The following NCAM2 variants were observed in gnomAD, a reference collection of about 807,000 sequenced individuals.
NCAM2 encodes the protein N-CAM-2.
Under a neutral mutation model 98.1 loss-of-function variants are expected in NCAM2, and 30 were observed. The ratio of observed to expected loss-of-function variants is 0.31; its 90% CI spans 0.23 to 0.41. The LOEUF is 0.41. Among genes scored for constraint, NCAM2 ranks in the 10% least tolerant of loss-of-function variants. The pLI, the probability that NCAM2 is intolerant of heterozygous loss-of-function variation, is 1.00. For missense variants in NCAM2, 867 were observed against 1,005.8 expected (o/e 0.86, Z 1.87); for synonymous variants, 368 against 342.4 (o/e 1.07, Z -0.83).
intron 9 of NCAM2, among the ~76,000 whole-genome samples, chr21:21,374,414 T>A (rs78595295): frequency 0.021 from 3,233 of 152,056 alleles, 101 homozygotes; most frequent in African/African-American, 0.074. Flanking sequence ...TTTGTTAGGC[T>A]ATTTTACATT....
chr21:21,432,191 C>T lies in NCAM2; in HGVS notation c.1564C>T (p.His522Tyr), dbSNP rs1396341533. ...GGTTTCCTTCAACAAACCGGACTCC[C>T]ATGGAGGTGTACCTATTCATCACTA... ...AKVSFNKPDS[H>Y]GGVPIHHYQV... The change falls in exon 12 of 18, where the codon CAT becomes TAT. Residue 522 changes from histidine to tyrosine, a missense_variant. Transcript: ENST00000400546. The T allele has an allele frequency of 6.2e-7, 1 of 1,614,062 alleles. No homozygotes were observed. The highest frequency in any genetic ancestry group is 8.5e-7 in the Non-Finnish European group (1 of 1,179,956).
intron 1 of NCAM2, among the ~76,000 whole-genome samples, chr21:21,139,606 G>A (rs1459422701): frequency 6.6e-6 from 1 of 152,150 alleles, no homozygotes; most frequent in African/African-American, 2.4e-5. Context: ...CTGTTCACAT[G>A]TGATGTAGGA....
At chr21:21,414,329 A>T (rs1328677751) in intron 10 of NCAM2, among the ~76,000 whole-genome samples, 1 of 152,160 alleles carries the variant, frequency 6.6e-6, no homozygotes, top group Non-Finnish European at 1.5e-5. Context: ...ACTTTCTCCC[A>T]TGAGCCACAA....
chr21:21,536,831 T>C (rs1170380741), intron 17 of NCAM2, among the ~76,000 whole-genome samples: 1 of 152,188 alleles, frequency 6.6e-6, no homozygotes, highest in East Asian at 1.9e-4. Flanking sequence ...GCACAATTCA[T>C]TGGCATCGAA....
chr21:21,095,815 G>A (rs6518074), intron 1 of NCAM2, among the ~76,000 whole-genome samples: 58,435 of 151,324 alleles, frequency 0.39, 13,962 homozygotes, highest in African/African-American at 0.68. Flanking sequence ...TTCATGAAGT[G>A]TCTTTCAGTG....
intron 1 of NCAM2, among the ~76,000 whole-genome samples, chr21:21,165,704 T>C (rs1413031446): frequency 6.6e-6 from 1 of 152,226 alleles, no homozygotes; most frequent in Non-Finnish European, 1.5e-5. Flanking sequence ...TGAGCATTTA[T>C]ATTTATTATA....
At chr21:21,235,141 A>C (rs914985749) in intron 1 of NCAM2, among the ~76,000 whole-genome samples, 1 of 152,034 alleles carries the variant, frequency 6.6e-6, no homozygotes. Context: ...TTAAAACATT[A>C]AAAAAAGTGG....
At chr21:21,211,078 A>G (rs2069644395) in intron 1 of NCAM2, among the ~76,000 whole-genome samples, 1 of 151,976 alleles carries the variant, frequency 6.6e-6, no homozygotes, top group African/African-American at 2.4e-5. Flanking sequence ...ATTGCTAAAT[A>G]CATTTTAAGA....
intron 8 of NCAM2, among the ~76,000 whole-genome samples, chr21:21,340,832 GTTC>G (rs992474586): frequency 4.6e-5 from 7 of 151,762 alleles, no homozygotes; most frequent in African/African-American, 9.7e-5. Context: ...ATAAAATTGA[GTTC>G]AAAGAGTCCA....
chr21:21,282,206 G>C (rs565864824), intron 2 of NCAM2, among the ~76,000 whole-genome samples: 43 of 151,702 alleles, frequency 2.8e-4, no homozygotes, highest in Non-Finnish European at 5.5e-4. Context: ...ATCACATAAA[G>C]GTAGAATAAC....
At chr21:21,000,994 T>C (rs1185070159) in intron 1 of NCAM2, among the ~76,000 whole-genome samples, 1 of 152,182 alleles carries the variant, frequency 6.6e-6, no homozygotes, top group Non-Finnish European at 1.5e-5. Flanking sequence ...GCCTTAGAAA[T>C]ACTAAAATCT....
rs371775652 is a variant in NCAM2, at chr21:21,194,709, TA to T, written c.56-85867del. 3.4e-3 allele frequency among the ~76,000 whole-genome samples: 517 copies of T among 152,258 alleles called. 5 individuals carry two copies. Among genetic ancestry groups the T allele is most frequent in the African/African-American group, 0.012 (494 of 41,556 alleles). On this transcript the variant is annotated intron_variant, in intron 1 of 17. Coordinates refer to ENST00000400546, the MANE Select transcript of NCAM2 (RefSeq NM_004540.5). Reference sequence around the variant, plus strand: ...TTATTTTGTATTTTTAAATTTTAAATAATTGACAAATATAGGCTGAATAAAA... The same window carrying T: ...TTATTTTGTATTTTTAAATTTTAAATATTGACAAATATAGGCTGAATAAAA...
At chr21:21,271,221 G>T (rs551025349) in intron 1 of NCAM2, among the ~76,000 whole-genome samples, 17 of 152,050 alleles carry the variant, frequency 1.1e-4, no homozygotes, top group African/African-American at 3.6e-4. Flanking sequence ...TTTTATTTTT[G>T]CTAAAGTACA....
intron 7 of NCAM2, among the ~76,000 whole-genome samples, chr21:21,337,775 T>C (rs2074913969): frequency 6.6e-6 from 1 of 151,970 alleles, no homozygotes; most frequent in Non-Finnish European, 1.5e-5. Context: ...TCTAGTATAT[T>C]GTTAAGTAAA....
At chr21:21,181,625 C>T (rs2068472695) in intron 1 of NCAM2, among the ~76,000 whole-genome samples, 2 of 152,136 alleles carry the variant, frequency 1.3e-5, no homozygotes, top group Non-Finnish European at 2.9e-5. Context: ...TATCTTAGGG[C>T]CTTTACACTT....
intron 8 of NCAM2, among the ~76,000 whole-genome samples, chr21:21,372,403 T>C (rs2075939578): frequency 6.6e-6 from 1 of 151,778 alleles, no homozygotes; most frequent in African/African-American, 2.4e-5. Context: ...ACACTTTGTT[T>C]TCTAATCATC....
intron 1 of NCAM2, among the ~76,000 whole-genome samples, chr21:21,181,736 C>T (rs189559387): frequency 1.1e-3 from 164 of 152,100 alleles, no homozygotes; most frequent in African/African-American, 3.6e-3. Context: ...TCTTTGTGAC[C>T]GTTCCTTTAG....
At chr21:21,208,519 A>C (rs1025805982) in intron 1 of NCAM2, among the ~76,000 whole-genome samples, 1 of 152,128 alleles carries the variant, frequency 6.6e-6, no homozygotes, top group African/African-American at 2.4e-5. Flanking sequence ...ACCTTGGGTA[A>C]AAGACAGCAT....
intron 1 of NCAM2, among the ~76,000 whole-genome samples, chr21:21,267,361 A>T (rs2072322605): frequency 6.6e-6 from 1 of 152,160 alleles, no homozygotes; most frequent in African/African-American, 2.4e-5. Flanking sequence ...AAAACTTTAA[A>T]TTTTGCACTG....
Sources: allele counts gnomAD v4.1 joint callset (sites outside exome capture counted in the v4.1 genomes callset), GRCh38; gene constraint gnomAD v4.1.1; transcripts MANE v1.5; gene names NCBI Gene and HGNC (gene_info 2026-07-23, HGNC 2026-07-21).